Variants in KCNH1 observed in about 807,000 individuals in gnomAD.
KCNH1 encodes potassium voltage-gated channel subfamily H member 1.
In KCNH1, 27 loss-of-function variants were observed where a neutral mutation model predicts 69.2. The observed-to-expected ratio is 0.39, with a 90% CI of 0.29 to 0.54. The LOEUF (loss-of-function observed/expected upper bound fraction) is 0.54. Among genes scored for constraint, KCNH1 ranks in the 20% least tolerant of loss-of-function variants. The pLI is 0.68. For missense variants in KCNH1, 798 were observed against 1,261.6 expected (o/e 0.63, Z 5.57); for synonymous variants, 456 against 487.7 (o/e 0.93, Z 0.86).
At chr1:210,932,342 T>C (rs1284723032) in intron 6 of KCNH1, among the ~76,000 whole-genome samples, 2 of 152,056 alleles carry the variant, frequency 1.3e-5, no homozygotes, top group Admixed American at 6.6e-5. Flanking sequence ...TATGAAAGTA[T>C]AAACCTCACT....
In KCNH1 at chr1:210,803,982, G is replaced by T; in HGVS notation, c.1647C>A (p.Gly549=). 1 of 1,614,028 alleles carries T rather than the reference G, an allele frequency of 6.2e-7. No homozygotes were observed. The highest frequency in any genetic ancestry group is 8.5e-7 in the Non-Finnish European group (1 of 1,179,944). ...TCCTCCTTACCTTCTCTGTGTCAAT[G>T]CCTCTGGACATGGACCAAGTGGACA... ...YIVSTWSMSR[G]IDTEKVLQIC... Residue 549 remains glycine, a synonymous_variant, in exon 8 of 11, where the codon GGC becomes GGA. Transcript: ENST00000271751.
chr1:211,111,622 C>T (rs1278442199), intron 1 of KCNH1, among the ~76,000 whole-genome samples: 1 of 149,554 alleles, frequency 6.7e-6, no homozygotes, highest in African/African-American at 2.5e-5. Flanking sequence ...AGCGCCTCTG[C>T]CCGGCCCCCG....
chr1:210,954,005 G>A (rs148938403), intron 6 of KCNH1, among the ~76,000 whole-genome samples: 127 of 152,220 alleles, frequency 8.3e-4, no homozygotes, highest in African/African-American at 2.6e-3. Context: ...CCATCAACTC[G>A]TCATTTACAT....
chr1:210,942,587 A>T (rs1186174173), intron 6 of KCNH1, among the ~76,000 whole-genome samples: 1 of 152,206 alleles, frequency 6.6e-6, no homozygotes, highest in Non-Finnish European at 1.5e-5. Context: ...TTACCACTAG[A>T]TGAGAGTTAA....
At chr1:211,038,548 G>C (rs1289475813) in intron 5 of KCNH1, among the ~76,000 whole-genome samples, 4 of 152,216 alleles carry the variant, frequency 2.6e-5, no homozygotes, top group Admixed American at 2.6e-4. Context: ...GGAAAGTTTG[G>C]AACTTCCTAG....
At chr1:210,711,970 G>A (rs1436497520) in intron 10 of KCNH1, among the ~76,000 whole-genome samples, 2 of 152,282 alleles carry the variant, frequency 1.3e-5, no homozygotes, top group East Asian at 1.9e-4. Context: ...ATATGTTATT[G>A]TCCACAACGG....
intron 1 of KCNH1, among the ~76,000 whole-genome samples, chr1:211,125,351 A>T (rs539969560): frequency 6.6e-6 from 1 of 152,358 alleles, no homozygotes; most frequent in African/African-American, 2.4e-5. Flanking sequence ...ACCTTGGCCC[A>T]CACAGAGGCT....
intron 10 of KCNH1, among the ~76,000 whole-genome samples, chr1:210,729,021 A>G (rs1682678402): frequency 6.6e-6 from 1 of 152,270 alleles, no homozygotes; most frequent in African/African-American, 2.4e-5. Flanking sequence ...CAAATGAAAA[A>G]GCAAGCTCAC....
chr1:210,874,252 T>A (rs1407906248), intron 7 of KCNH1, among the ~76,000 whole-genome samples: 1 of 152,212 alleles, frequency 6.6e-6, no homozygotes, highest in African/African-American at 2.4e-5. Context: ...ATGCTGTCTT[T>A]GAGTCACTAA....
chr1:210,940,980 G>A (rs1283887128), intron 6 of KCNH1, among the ~76,000 whole-genome samples: 1 of 152,192 alleles, frequency 6.6e-6, no homozygotes, highest in African/African-American at 2.4e-5. Flanking sequence ...AGGGTCTGGT[G>A]GGGGTGAAAA....
At chr1:211,090,325 G>T (rs576003109) in intron 4 of KCNH1, among the ~76,000 whole-genome samples, 46 of 152,302 alleles carry the variant, frequency 3.0e-4, no homozygotes, top group African/African-American at 1.1e-3. Flanking sequence ...ATCAGAAAGG[G>T]TTAATTATTA....
intron 5 of KCNH1, among the ~76,000 whole-genome samples, chr1:211,031,108 T>A (rs1689776157): frequency 6.6e-6 from 1 of 152,068 alleles, no homozygotes. Flanking sequence ...GAGAATATTA[T>A]AAACACCTCT....
At chr1:211,056,677 C>T (rs973615553) in intron 5 of KCNH1, among the ~76,000 whole-genome samples, 1 of 152,084 alleles carries the variant, frequency 6.6e-6, no homozygotes, top group Admixed American at 6.5e-5. Context: ...CTGAAAGGGG[C>T]AGGTAGCTCG....
At chr1:210,718,306 ATATATGTG>A (rs1682316629) in intron 10 of KCNH1, among the ~76,000 whole-genome samples, 3 of 133,860 alleles carry the variant, frequency 2.2e-5, no homozygotes, top group African/African-American at 8.3e-5. Flanking sequence ...AAATATATGT[ATATATGTG>A]TATATAAATA....
rs1686470550 is a variant in KCNH1, at chr1:210,880,419, G to T, written c.1462+39221C>A. ...ATAAATCCATGCAACAGAATAGAAA[G>T]CCCAGAAATAGACATACAAATATAG... On this transcript the variant is annotated intron_variant, in intron 7 of 10. Transcript: ENST00000271751. Among the ~76,000 whole-genome samples, 2 of 152,064 alleles carry T rather than the reference G, an allele frequency of 1.3e-5. 1 individual carries two copies. The highest frequency in any genetic ancestry group is 4.1e-4 in the South Asian group (2 of 4,822).
chr1:210,886,623 C>G (rs1006061028), intron 7 of KCNH1, among the ~76,000 whole-genome samples: 1 of 151,656 alleles, frequency 6.6e-6, no homozygotes, highest in Non-Finnish European at 1.5e-5. Context: ...ATGTTCTAAC[C>G]CAATGCAAGG....
chr1:210,763,079 C>CA (rs1446777631), intron 10 of KCNH1, among the ~76,000 whole-genome samples: 2 of 151,896 alleles, frequency 1.3e-5, no homozygotes, highest in Non-Finnish European at 2.9e-5. Flanking sequence ...ATGTGCAAAT[C>CA]AAAAAATGTA....
intron 2 of KCNH1, among the ~76,000 whole-genome samples, chr1:211,104,543 G>C (rs894971731): frequency 6.6e-6 from 1 of 152,130 alleles, no homozygotes. Flanking sequence ...AAAAATCATG[G>C]TTTGTCCCTC....
In KCNH1 at chr1:210,739,011, C is replaced by T. The variant is rs1015269872; in HGVS notation, c.2112+36337G>A. Among the ~76,000 whole-genome samples, 29 of 152,286 alleles carry T rather than the reference C, an allele frequency of 1.9e-4. No homozygotes were observed. The East Asian group carries it at 4.8e-3, about 25-fold the overall frequency. On this transcript the variant is annotated intron_variant, in intron 10 of 10. Transcript: ENST00000271751. ...AAATGTAATAACTGCAATTGATAGG[C>T]TGTTTCACTCCCAATTCCTATACTA...
Sources: gnomAD v4.1 joint callset for allele counts (sites outside exome capture counted in the v4.1 genomes callset) on GRCh38, gnomAD v4.1.1 for gene constraint, MANE v1.5 for transcripts, NCBI Gene and HGNC (gene_info 2026-07-23, HGNC 2026-07-21) for gene names.